The following NBPF15 variants were observed in gnomAD, a reference collection of about 807,000 sequenced individuals.
The protein encoded by NBPF15 is NBPF member 15.
A neutral mutation model predicts 62.2 loss-of-function variants in NBPF15; 74 were observed. That is an observed-to-expected ratio of 1.19 (90% CI 0.99 to 1.44). The LOEUF (loss-of-function observed/expected upper bound fraction) is 1.44, where lower values mean the gene tolerates loss of function less well. NBPF15 is among the 40% of genes most tolerant of loss of function. The probability of loss-of-function intolerance (pLI) is 0.00; values close to 1 mark genes in which losing one functional copy is unlikely to be tolerated. For synonymous variants in NBPF15, 244 were observed against 209.7 expected (o/e 1.16, Z -1.41); for missense variants, 790 against 550.0 (o/e 1.44, Z -4.36).
intron 8 of NBPF15, among the ~76,000 whole-genome samples, chr1:144,438,864 C>G (rs1454869414): frequency 5.9e-5 from 9 of 151,964 alleles, no homozygotes; most frequent in Non-Finnish European, 1.2e-4. Context: ...GCACTGTTAT[C>G]TCCACACATT....
chr1:144,423,900 TC>T lies in NBPF15; in HGVS notation c.1738del (p.Glu580LysfsTer16). 1 of 786,686 alleles carries T rather than the reference TC, an allele frequency of 1.3e-6. No homozygotes were observed. Among genetic ancestry groups the T allele is most frequent in the South Asian group, 1.3e-5 (1 of 74,916 alleles). The allele number at this position is 786,686 out of a possible 1,614,324, so 48.7% of individuals were successfully genotyped here. On this transcript the variant is annotated frameshift_variant, in exon 21 of 22. Coordinates refer to ENST00000581897, the MANE Select transcript of NBPF15 (RefSeq NM_001385408.1). LOFTEE classifies it high-confidence loss of function. Reference sequence around the variant, plus strand: ...GCATGGTGGGTTGTCATCTTCCCCTTCTTTTCTTCCCCTTCTTCTTTTCTTC... The same window carrying T: ...GCATGGTGGGTTGTCATCTTCCCCTTTTTTCTTCCCCTTCTTCTTTTCTTC... ...SKKKRRRGRK[E>X]GEDDNPPCPR... is the part of the protein sequence containing the mutation.
rs1375094875 is a variant in NBPF15, at chr1:144,426,829, C to T, written c.1265+218G>A. Among the ~76,000 whole-genome samples the T allele has an allele frequency of 2.8e-4, 42 of 149,924 alleles. No individual in the cohort carries two copies. In the East Asian group the frequency reaches 8.1e-3, roughly 29 times the overall value. On this transcript the variant is annotated intron_variant, in intron 17 of 21. Transcript: ENST00000581897. The stretch of plus-strand genomic sequence containing the variant: ...AAGATTCCATGCAGTTGCCATACAG[C>T]CTTTGAGGTATGGTCAACCTATAGT...
At chr1:144,448,148 G>T (rs1325131308) in intron 6 of NBPF15, among the ~76,000 whole-genome samples, 1 of 151,950 alleles carries the variant, frequency 6.6e-6, no homozygotes, top group Non-Finnish European at 1.5e-5. Context: ...AATGAATTGT[G>T]GGCACAGAAG....
At chr1:144,456,231 T>C (rs868994189) in intron 4 of NBPF15, among the ~76,000 whole-genome samples, 1 of 128,324 alleles carries the variant, frequency 7.8e-6, no homozygotes, top group South Asian at 2.8e-4. Flanking sequence ...GGGCAGAGAA[T>C]GGGGGGTAAG....
In NBPF15 at chr1:144,427,313, A is replaced by G. The variant is rs1571110206; in HGVS notation, c.1214-215T>C. On this transcript the variant is annotated intron_variant, in intron 16 of 21. Coordinates refer to ENST00000581897, the MANE Select transcript of NBPF15 (RefSeq NM_001385408.1). ...TGGGTAAAATTCCCTATTCTGGTAG[A>G]TCGTTATCCCAATATCATTTGTCCC... is the stretch of plus-strand genomic sequence containing the variant. Among the ~76,000 whole-genome samples, 2 of 128,098 alleles carry G rather than the reference A, an allele frequency of 1.6e-5. 1 individual carries two copies. The highest frequency in any genetic ancestry group is 4.6e-4 in the East Asian group (2 of 4,328). The allele number at this position is 128,098 out of a possible 152,430, so 84.0% of individuals were successfully genotyped here.
chr1:144,451,558 C>T (rs1175061769), intron 4 of NBPF15, among the ~76,000 whole-genome samples: 2 of 151,960 alleles, frequency 1.3e-5, no homozygotes, highest in Admixed American at 6.6e-5. Flanking sequence ...AGGCAGAGGT[C>T]CCTGCAGTCT....
chr1:144,451,615 A>G (rs1411893752), intron 4 of NBPF15, among the ~76,000 whole-genome samples: 2 of 151,788 alleles, frequency 1.3e-5, no homozygotes, highest in East Asian at 1.9e-4. Flanking sequence ...GGGAGTGGTG[A>G]TGACTCTTAA....
At chr1:144,447,711 C>G (rs1553544574) in intron 6 of NBPF15, among the ~76,000 whole-genome samples, 1 of 152,110 alleles carries the variant, frequency 6.6e-6, no homozygotes, top group African/African-American at 2.4e-5. Flanking sequence ...AAAGAAAGCT[C>G]AGCGTAAAGC....
chr1:144,435,029 T>A, intron 12 of NBPF15, 82 bp downstream of exon 12: 1 of 1,610,566 alleles, frequency 6.2e-7, no homozygotes, highest in Non-Finnish European at 8.5e-7. Flanking sequence ...TTCAAATGAA[T>A]TTGTGTTGAT....
chr1:144,455,591 G>A (rs1553546724), intron 4 of NBPF15, among the ~76,000 whole-genome samples: 2 of 152,004 alleles, frequency 1.3e-5, no homozygotes, highest in Non-Finnish European at 1.5e-5. Flanking sequence ...CTTCCCTGCT[G>A]CTCCTTGTCC....
chr1:144,450,644 GA>G lies in NBPF15; in HGVS notation c.-333+127del. 1.3e-5 allele frequency: 2 copies of G among 159,188 alleles called. 1 individual carries two copies. Among genetic ancestry groups the G allele is most frequent in the East Asian group, 3.9e-4 (2 of 5,086 alleles). 9.9% of individuals were successfully genotyped at this position (159,188 alleles called of 1,614,324 possible). A position where few individuals can be genotyped will look rare whatever the true frequency, so the allele number is the denominator to read the frequency against. ...GGTAATGTGATAATAGGCAGCAAGAGAAAACTAGTACAGGTGCCTGTCTCTC... is the reference window on the plus strand; with the variant it reads ...GGTAATGTGATAATAGGCAGCAAGAGAAACTAGTACAGGTGCCTGTCTCTC... On this transcript the variant is annotated intron_variant, in intron 5 of 21. Coordinates refer to ENST00000581897, the MANE Select transcript of NBPF15 (RefSeq NM_001385408.1).
intron 6 of NBPF15, chr1:144,442,588 G>A (rs1553543069): frequency 5.2e-5 from 8 of 152,802 alleles, no homozygotes; most frequent in African/African-American, 2.4e-5. Flanking sequence ...GCAACGCAAC[G>A]GCCAGGTGGA....
rs1478266798 is a variant in NBPF15 at position 144,427,902 on chromosome 1, C to G, written c.1129G>C (p.Glu377Gln). 4.6e-6 allele frequency: 3 copies of G among 658,646 alleles called. No individual in the cohort carries two copies. Among genetic ancestry groups the G allele is most frequent in the Non-Finnish European group, 8.2e-6 (3 of 365,064 alleles). 40.8% of individuals were successfully genotyped at this position (658,646 alleles called of 1,614,324 possible). ...RCYSTPSGCL[E>Q]LTDSCQPYRS... ...TAGGGCTGGCATGAGTCAGTCAGTT[C>G]AAGACAACCTGAAGGAGTTGAATAA... The change falls in exon 16 of 22, where the codon GAA (glutamate) becomes CAA (glutamine). Residue 377 changes from glutamate (E) to glutamine (Q), a missense_variant. Transcript: ENST00000581897.
Position 144,423,861 on chromosome 1 carries a change from G to T in NBPF15, c.1769+9C>A, listed in dbSNP as rs1667560475. The T allele has an allele frequency of 7.8e-6, 6 of 766,402 alleles. No homozygotes were observed. Among genetic ancestry groups the T allele is most frequent in the Middle Eastern group, 3.5e-4 (1 of 2,832 alleles). 47.5% of individuals were successfully genotyped at this position (766,402 alleles called of 1,614,324 possible). On this transcript the variant is annotated intron_variant, in intron 21 of 21. Coordinates refer to ENST00000581897, the MANE Select transcript of NBPF15 (RefSeq NM_001385408.1). ...ACAGAATTAAGCATCCACAATTGCT[G>T]AAAGTTACCTGGGGCATGGTGGGTT...
At chr1:144,439,444 A>G (rs1261825512) in intron 8 of NBPF15, among the ~76,000 whole-genome samples, 8 of 151,952 alleles carry the variant, frequency 5.3e-5, no homozygotes, top group Non-Finnish European at 1.2e-4. Context: ...AGAAACTTGA[A>G]CTGAAGAAAA....
At chr1:144,423,588 G>A (rs1348479384) in intron 21 of NBPF15, among the ~76,000 whole-genome samples, 1 of 151,958 alleles carries the variant, frequency 6.6e-6, no homozygotes, top group Non-Finnish European at 1.5e-5. Flanking sequence ...ATCACAAAAA[G>A]AGTGAGCTCA....
chr1:144,457,089 G>A (rs1553547172), intron 3 of NBPF15, among the ~76,000 whole-genome samples: 1 of 151,962 alleles, frequency 6.6e-6, no homozygotes, highest in Non-Finnish European at 1.5e-5. Flanking sequence ...TGAGGCAGGA[G>A]GATTCCTTGA....
At chr1:144,434,965 A>T (rs79545390) in intron 12 of NBPF15, 146 bp downstream of exon 12, 1 of 1,336,040 alleles carries the variant, frequency 7.5e-7, no homozygotes, top group East Asian at 2.4e-5. Context: ...ACATTAGCTG[A>T]GAAGGACAAA....
At chr1:144,432,346 A>G (rs1283235705) in intron 13 of NBPF15, among the ~76,000 whole-genome samples, 4 of 151,950 alleles carry the variant, frequency 2.6e-5, no homozygotes, top group East Asian at 1.9e-4. Context: ...ACCAGCCACT[A>G]CAAAAACATG....
Sources: allele counts gnomAD v4.1 joint callset (sites outside exome capture counted in the v4.1 genomes callset), GRCh38; gene constraint gnomAD v4.1.1; transcripts MANE v1.5; gene names NCBI Gene and HGNC (gene_info 2026-07-23, HGNC 2026-07-21).